Variants in CSMD1 observed in about 807,000 individuals in gnomAD.
The protein encoded by CSMD1 is CUB and sushi domain-containing protein 1.
CSMD1 carries 213 observed loss-of-function variants against 417.5 expected under a neutral mutation model. The ratio of observed to expected loss-of-function variants is 0.51; its 90% confidence interval spans 0.46 to 0.57. The LOEUF is 0.57. Among genes scored for constraint, CSMD1 ranks in the 20% least tolerant of loss-of-function variants. The probability of loss-of-function intolerance (pLI) is 0.00; values close to 1 mark genes in which losing one functional copy is unlikely to be tolerated. For missense variants in CSMD1, 6,923 were observed against 4,529.7 expected (o/e 1.53, Z -15.17); for synonymous variants, 2,862 against 1,736.8 (o/e 1.65, Z -16.11).
chr8:4,817,644 T>G (rs1230205714), intron 1 of CSMD1, among the ~76,000 whole-genome samples: 1 of 152,244 alleles, frequency 6.6e-6, no homozygotes, highest in Non-Finnish European at 1.5e-5. Context: ...ATAACATGCA[T>G]AAAATCAATG....
chr8:3,441,492 C>CATATATATATATATATATATAT (rs377759438), intron 12 of CSMD1, among the ~76,000 whole-genome samples: 30 of 143,944 alleles, frequency 2.1e-4, no homozygotes, highest in East Asian at 1.1e-3. Flanking sequence ...CATATAATTT[C>CATATATATATATATATATATAT]ATATATATAT....
chr8:3,487,704 A>C (rs1818136507), intron 11 of CSMD1, among the ~76,000 whole-genome samples: 1 of 152,180 alleles, frequency 6.6e-6, no homozygotes, highest in Non-Finnish European at 1.5e-5. Flanking sequence ...ATTGTCAAGA[A>C]GGCGGGTCCC....
intron 10 of CSMD1, among the ~76,000 whole-genome samples, chr8:3,563,178 T>G (rs1421851465): frequency 1.3e-5 from 2 of 151,992 alleles, no homozygotes; most frequent in Non-Finnish European, 2.9e-5. Context: ...TGTGACTACG[T>G]TTTATTTAGT....
At chr8:2,982,809 A>G (rs779809148) in intron 54 of CSMD1, among the ~76,000 whole-genome samples, 6 of 152,188 alleles carry the variant, frequency 3.9e-5, no homozygotes, top group Non-Finnish European at 8.8e-5. Context: ...CCCTAATGAC[A>G]GAGAAACGTG....
intron 49 of CSMD1, among the ~76,000 whole-genome samples, chr8:3,086,188 G>C (rs1488198201): frequency 6.7e-6 from 1 of 150,046 alleles, no homozygotes; most frequent in Non-Finnish European, 1.5e-5. Context: ...AAGTATTCTT[G>C]TAAAGAAAAA....
rs542260897 is a variant in CSMD1, at chr8:3,869,947, C to G, written c.819-115905G>C. Among the ~76,000 whole-genome samples the G allele has an allele frequency of 7.2e-5, 11 of 151,822 alleles. No individual in the cohort carries two copies. The South Asian group carries it at 1.2e-3, about 17-fold the overall frequency. Reference sequence around the variant, plus strand: ...CCTTAAGCAAAAGAGAGTGAGCTAGCTATATGTCATCTATATATTTTAAAA... The same window carrying G: ...CCTTAAGCAAAAGAGAGTGAGCTAGGTATATGTCATCTATATATTTTAAAA... On this transcript the variant is annotated intron_variant, in intron 5 of 69. Transcript: ENST00000635120.
chr8:3,027,854 C>A (rs1230848151), intron 51 of CSMD1, among the ~76,000 whole-genome samples: 2 of 152,224 alleles, frequency 1.3e-5, no homozygotes, highest in Non-Finnish European at 2.9e-5. Flanking sequence ...GCTTTCTTTC[C>A]CAAGATGAGG....
chr8:3,232,368 C>G (rs1268445623), intron 26 of CSMD1, among the ~76,000 whole-genome samples: 1 of 152,152 alleles, frequency 6.6e-6, no homozygotes, highest in Non-Finnish European at 1.5e-5. Flanking sequence ...TCTCTCTCCC[C>G]CTTGCTTGTA....
At chr8:4,293,321 G>C (rs1437519814) in intron 3 of CSMD1, among the ~76,000 whole-genome samples, 1 of 152,154 alleles carries the variant, frequency 6.6e-6, no homozygotes, top group Non-Finnish European at 1.5e-5. Context: ...AACTGACGAT[G>C]CTGAAATTAC....
At chr8:3,800,205 C>A (rs1198558424) in intron 5 of CSMD1, among the ~76,000 whole-genome samples, 1 of 152,064 alleles carries the variant, frequency 6.6e-6, no homozygotes, top group Non-Finnish European at 1.5e-5. Flanking sequence ...GAGAGCAGAA[C>A]TTTCAACAAA....
At chr8:4,618,943 C>T (rs1387722227) in intron 2 of CSMD1, among the ~76,000 whole-genome samples, 1 of 152,092 alleles carries the variant, frequency 6.6e-6, no homozygotes, top group Non-Finnish European at 1.5e-5. Context: ...ATAACAAATC[C>T]ATATTTTATT....
chr8:3,484,588 G>T (rs574629783), intron 11 of CSMD1, among the ~76,000 whole-genome samples: 5 of 152,126 alleles, frequency 3.3e-5, no homozygotes, highest in Non-Finnish European at 5.9e-5. Context: ...CCATAAACTA[G>T]ACTTCATCAA....
chr8:4,162,448 G>A (rs1797228964), intron 3 of CSMD1, among the ~76,000 whole-genome samples: 1 of 152,264 alleles, frequency 6.6e-6, no homozygotes, highest in South Asian at 2.1e-4. Context: ...GAATAGAGGT[G>A]AATTCAAGAC....
At chr8:4,562,398 A>G (rs1798384528) in intron 2 of CSMD1, among the ~76,000 whole-genome samples, 1 of 152,202 alleles carries the variant, frequency 6.6e-6, no homozygotes, top group Non-Finnish European at 1.5e-5. Context: ...TAGCCCTCAA[A>G]TTAGTAAATT....
intron 5 of CSMD1, among the ~76,000 whole-genome samples, chr8:3,939,057 A>G (rs1205639344): frequency 6.6e-6 from 1 of 152,140 alleles, no homozygotes; most frequent in East Asian, 1.9e-4. Context: ...TTATTGAGCC[A>G]ACAGTCTGAC....
chr8:3,893,128 C>T (rs945852019), intron 5 of CSMD1, among the ~76,000 whole-genome samples: 4 of 151,646 alleles, frequency 2.6e-5, no homozygotes, highest in African/African-American at 9.7e-5. Context: ...AAATCATCCT[C>T]ACACAAAAAG....
rs1905030 is a variant in CSMD1, at chr8:3,724,661, A to C, written c.932-16170T>G. ...AAGGACATTTACCCTGGGCTCAACC[A>C]TGAGAATTCAGGGAGTCCATGAAAT... On this transcript the variant is annotated intron_variant, in intron 6 of 69. Transcript: ENST00000635120. Among the ~76,000 whole-genome samples, 42 of 152,062 alleles carry C rather than the reference A, an allele frequency of 2.8e-4. No individual in the cohort carries two copies. The East Asian group carries it at 6.8e-3, about 25-fold the overall frequency.
chr8:4,173,795 G>A (rs1035589842), intron 3 of CSMD1, among the ~76,000 whole-genome samples: 1 of 152,142 alleles, frequency 6.6e-6, no homozygotes, highest in South Asian at 2.1e-4. Flanking sequence ...AAAAGTTAGT[G>A]GTGAGGTGCG....
chr8:3,937,205 G>T (rs1020087359), intron 5 of CSMD1, among the ~76,000 whole-genome samples: 4 of 152,146 alleles, frequency 2.6e-5, no homozygotes, highest in African/African-American at 9.7e-5. Flanking sequence ...TTGTTGAAAT[G>T]ACAACAAAAG....
Sources: allele counts gnomAD v4.1 joint callset (sites outside exome capture counted in the v4.1 genomes callset), GRCh38; gene constraint gnomAD v4.1.1; transcripts MANE v1.5; gene names NCBI Gene and HGNC (gene_info 2026-07-23, HGNC 2026-07-21).